Variants in AHNAK2 observed in about 807,000 individuals in gnomAD.
The protein encoded by AHNAK2 is protein AHNAK2.
Under a neutral mutation model 30.7 loss-of-function variants are expected in AHNAK2, and 18 were observed. The observed-to-expected ratio is 0.59, with a 90% CI of 0.41 to 0.87. The LOEUF (loss-of-function observed/expected upper bound fraction) is 0.87. Among genes scored for constraint, AHNAK2 ranks in the 40% least tolerant of loss-of-function variants. The pLI is 0.00. For missense variants in AHNAK2, 8,604 were observed against 7,373.0 expected, an observed-to-expected ratio of 1.17 and a Z score of -6.11; for synonymous variants, 3,590 against 3,073.8, an observed-to-expected ratio of 1.17 and a Z score of -5.56.
rs769813962 is a variant in AHNAK2 at position 104,947,810 on chromosome 14, C to A, written c.7641G>T (p.Val2547=). 1.9e-6 allele frequency: 3 copies of A among 1,612,606 alleles called. No homozygotes were observed. Among genetic ancestry groups the A allele is most frequent in the Non-Finnish European group, 1.7e-6 (2 of 1,179,594 alleles). ...CAGGGCCCTCTGGGAGTTTCACGTC[C>A]ACTTGGCCAGCCTGGACCTCCAGGT... is the stretch of plus-strand genomic sequence containing the variant. The part of the protein sequence containing the change: ...SADLEVQAGQ[V]DVKLPEGPVP... The change falls in exon 7 of 7, where the codon GTG becomes GTT. Residue 2547 remains valine, a synonymous_variant. Transcript: ENST00000333244.
rs1429748863 is a variant in AHNAK2, at chr14:104,944,225, G to T, written c.11226C>A (p.Asp3742Glu). 3 of 1,611,134 alleles carry T rather than the reference G, an allele frequency of 1.9e-6. No homozygotes were observed. Among genetic ancestry groups the T allele is most frequent in the East Asian group, 2.2e-5 (1 of 44,576 alleles). Residue 3742 changes from aspartate to glutamate, a missense_variant, in exon 7 of 7, where the codon GAC becomes GAA. Transcript: ENST00000333244. ...PKVDLKGPQV[D>E]IKGPKLDLKV... The stretch of plus-strand genomic sequence containing the variant: ...TTAGGTCCAGCTTGGGGCCCTTGAT[G>T]TCCACCTGGGGGCCCTTGAGGTCCA...
intron 1 of AHNAK2, among the ~76,000 whole-genome samples, chr14:104,973,359 G>A (rs979274193): frequency 1.3e-5 from 2 of 152,206 alleles, no homozygotes; most frequent in African/African-American, 2.4e-5. Context: ...AGGCCAAGGC[G>A]TGAAGCTCGG....
chr14:104,942,578 C>T lies in AHNAK2; in HGVS notation c.12873G>A (p.Met4291Ile). 1.2e-6 allele frequency: 2 copies of T among 1,613,146 alleles called. No individual in the cohort carries two copies. Among genetic ancestry groups the T allele is most frequent in the African/African-American group, 1.3e-5 (1 of 74,822 alleles). Reference protein sequence around the residue: ...EGDLSLADKDMTAKDSKFKMP... With the variant: ...EGDLSLADKDITAKDSKFKMP... ...TTTTGAACTTGCTGTCTTTGGCAGT[C>T]ATGTCCTTGTCGGCTAGGGACAGGT... The change falls in exon 7 of 7, where the codon ATG becomes ATA. Residue 4291 changes from methionine (M) to isoleucine (I), a missense_variant. By Grantham distance (10) the Met-to-Ile change is conservative (BLOSUM62 1). Coordinates refer to ENST00000333244, the MANE Select transcript of AHNAK2 (RefSeq NM_138420.4).
In AHNAK2 at chr14:104,946,742, A is replaced by T; in HGVS notation, c.8709T>A (p.Ser2903Arg). The T allele has an allele frequency of 6.2e-7, 1 of 1,611,980 alleles. No homozygotes were observed. Among genetic ancestry groups the T allele is most frequent in the South Asian group, 1.1e-5 (1 of 90,992 alleles). ...KGHLPKVQMP[S>R]FKMPKVDLKG... ...TGAGATCCACTTTGGGCATCTTGAA[A>T]CTGGGCATCTGCACCTTGGGCAGGT... is the stretch of plus-strand genomic sequence containing the variant. The change falls in exon 7 of 7, where the codon AGT becomes AGA. Residue 2903 changes from serine to arginine, a missense_variant. By Grantham distance (110) the Ser-to-Arg change is moderately radical. Transcript: ENST00000333244.
Position 104,950,044 on chromosome 14 carries a change from C to G in AHNAK2, c.5407G>C (p.Val1803Leu). The G allele has an allele frequency of 6.3e-7, 1 of 1,586,920 alleles. No individual in the cohort carries two copies. Among genetic ancestry groups the G allele is most frequent in the Non-Finnish European group, 8.6e-7 (1 of 1,163,092 alleles). ...AGGGACAGGTCACCCTCCAGCCGCA[C>G]ACTGTCCAGCTTGGCTCCTGGAGCC... Reference protein sequence around the residue: ...VEAPGAKLDSVRLEGDLSLAD... With the variant: ...VEAPGAKLDSLRLEGDLSLAD... Residue 1803 changes from valine to leucine, a missense_variant, in exon 7 of 7, where the codon GTG (valine) becomes CTG (leucine). Transcript: ENST00000333244.
chr14:104,953,987 A>G lies in AHNAK2; in HGVS notation c.1464T>C (p.Asp488=). 1 of 1,613,734 alleles carries G rather than the reference A, an allele frequency of 6.2e-7. No individual in the cohort carries two copies. The highest frequency in any genetic ancestry group is 8.5e-7 in the Non-Finnish European group (1 of 1,179,862). ...GPPEIRVRVH[D]LKTPKFAFST... ...AAAATGCAAATTTTGGTGTCTTTAA[A>G]TCGTGTACTCGCACCCTAATTTCTG... The change falls in exon 7 of 7, where the codon GAT becomes GAC. Residue 488 remains aspartate, a synonymous_variant. Coordinates refer to ENST00000333244, the MANE Select transcript of AHNAK2 (RefSeq NM_138420.4).
At position 104,950,176 on chromosome 14, in the gene AHNAK2, G is replaced by A; in HGVS notation, c.5275C>T (p.Pro1759Ser). ...LKMPKVALKG[P>S]QMDVKGPKLD... The stretch of plus-strand genomic sequence containing the variant: ...TTGGGGCCCTTGACGTCCATCTGGG[G>A]GCCCTTGAGGGCCACTTTGGGCATC... Residue 1759 changes from proline to serine, a missense_variant, in exon 7 of 7, where the codon CCC becomes TCC. By Grantham distance (74) the Pro-to-Ser change is moderately conservative. Coordinates refer to ENST00000333244, the MANE Select transcript of AHNAK2 (RefSeq NM_138420.4). 3 of 1,585,912 alleles carry A rather than the reference G, an allele frequency of 1.9e-6. No individual in the cohort carries two copies. The South Asian group carries it at 3.3e-5, about 18-fold the overall frequency.
Position 104,939,701 on chromosome 14 carries a change from G to C in AHNAK2, c.15750C>G (p.Leu5250=). Residue 5250 remains leucine, a synonymous_variant, in exon 7 of 7, where the codon CTC becomes CTG. Transcript: ENST00000333244. ...SNVEAAMSLQ[L]PEADAEVTAS... Reference sequence around the variant, plus strand: ...CTGTCACTTCTGCATCTGCCTCTGGGAGCTGTAGGGACATAGCTGCCTCCA... The same window carrying C: ...CTGTCACTTCTGCATCTGCCTCTGGCAGCTGTAGGGACATAGCTGCCTCCA... 2 of 1,613,888 alleles carry C rather than the reference G, an allele frequency of 1.2e-6. No individual in the cohort carries two copies. Among genetic ancestry groups the C allele is most frequent in the Non-Finnish European group, 1.7e-6 (2 of 1,179,888 alleles).
Position 104,951,922 on chromosome 14 carries a change from C to T in AHNAK2, c.3529G>A (p.Ala1177Thr), listed in dbSNP as rs1367008601. The T allele has an allele frequency of 6.2e-7, 1 of 1,610,020 alleles. No homozygotes were observed. The highest frequency in any genetic ancestry group is 1.7e-5 in the Admixed American group (1 of 59,630). The change falls in exon 7 of 7, where the codon GCC (alanine) becomes ACC (threonine). Residue 1177 changes from alanine to threonine, a missense_variant. By Grantham distance (58) the Ala-to-Thr change is moderately conservative. Transcript: ENST00000333244. ...GAGGCCTCGATGGACTTGCCTGGGG[C>T]TGACGCCCCGAACGATGGCATCTTG... The part of the protein sequence containing the change: ...KFKMPSFGAS[A>T]PGKSIEASVD...
intron 1 of AHNAK2, among the ~76,000 whole-genome samples, chr14:104,963,127 G>A (rs1044340479): frequency 6.6e-6 from 1 of 152,210 alleles, no homozygotes; most frequent in Non-Finnish European, 1.5e-5. Context: ...CTCAACGGAA[G>A]AGAAAAAGCT....
chr14:104,973,535 G>A (rs566576881), intron 1 of AHNAK2, among the ~76,000 whole-genome samples: 1 of 152,244 alleles, frequency 6.6e-6, no homozygotes, highest in East Asian at 1.9e-4. Context: ...GCCCACCCAG[G>A]CGCCATCACC....
Position 104,953,779 on chromosome 14 carries a change from C to G in AHNAK2, c.1672G>C (p.Glu558Gln), listed in dbSNP as rs369246535. ...GTGATCCTTGTCCTCTGTAGTCCTT[C>G]CTCTCCATCTCCTTCATCCCCCTGT... ...EAQGDEGDGE[E>Q]GLQRTRITEE... The change falls in exon 7 of 7, where the codon GAA becomes CAA. Residue 558 changes from glutamate (E) to glutamine (Q), a missense_variant. Glu to Gln is a conservative substitution (Grantham distance 29). Transcript: ENST00000333244. The G allele has an allele frequency of 5.5e-5, 88 of 1,613,820 alleles. No homozygotes were observed. Among genetic ancestry groups the G allele is most frequent in the Non-Finnish European group, 7.3e-5 (86 of 1,179,884 alleles).
At chr14:104,962,832 C>A (rs1225651180) in intron 1 of AHNAK2, among the ~76,000 whole-genome samples, 1 of 152,116 alleles carries the variant, frequency 6.6e-6, no homozygotes, top group Non-Finnish European at 1.5e-5. Context: ...AAACCTGGAC[C>A]CTTCCATCCC....
chr14:104,973,774 C>T (rs1187725987), intron 1 of AHNAK2, among the ~76,000 whole-genome samples: 1 of 152,246 alleles, frequency 6.6e-6, no homozygotes, highest in Non-Finnish European at 1.5e-5. Context: ...GAAGGAGTCC[C>T]TCCCAAGAGC....
rs772774564 is a variant in AHNAK2, at chr14:104,947,201, C to T, written c.8250G>A (p.Gln2750=). The T allele has an allele frequency of 2.5e-6, 4 of 1,612,292 alleles. No individual in the cohort carries two copies. In the East Asian group the frequency reaches 6.7e-5, roughly 27 times the overall value. ...KMPEVDLKGP[Q]IDVKGPNVDL... ...CCACGTTGGGGCCCTTAACATCTAT[C>T]TGGGGGCCCTTGAGGTCCACTTCAG... is the stretch of plus-strand genomic sequence containing the variant. Residue 2750 remains glutamine, a synonymous_variant, in exon 7 of 7, where the codon CAG becomes CAA. Transcript: ENST00000333244.
Position 104,939,104 on chromosome 14 carries a change from C to T in AHNAK2, c.16347G>A (p.Val5449=). 1 of 1,605,350 alleles carries T rather than the reference C, an allele frequency of 6.2e-7. No homozygotes were observed. The highest frequency in any genetic ancestry group is 1.1e-5 in the South Asian group (1 of 89,906). ...AGAGVPGEQP[V]DLNLPLEAPP... is the part of the protein sequence containing the mutation. ...GAGCTTCCAAAGGCAGGTTAAGGTCCACAGGCTGCTCCCCAGGGACCCCAG... is the reference window on the plus strand; with the variant it reads ...GAGCTTCCAAAGGCAGGTTAAGGTCTACAGGCTGCTCCCCAGGGACCCCAG... Residue 5449 remains valine, a synonymous_variant, in exon 7 of 7, where the codon GTG becomes GTA. Transcript: ENST00000333244.
chr14:104,951,431 C>CAA lies in AHNAK2; in HGVS notation c.4019_4020insTT (p.Ser1341CysfsTer23). The CAA allele has an allele frequency of 8.1e-7, 1 of 1,233,830 alleles. No individual in the cohort carries two copies. The highest frequency in any genetic ancestry group is 1.4e-5 in the South Asian group (1 of 69,520). 76.4% of individuals were successfully genotyped at this position (1,233,830 alleles called of 1,614,324 possible). A position where few individuals can be genotyped will look rare whatever the true frequency, so the allele number is the denominator to read the frequency against. ...CCTCAATGGACTTGCCTGGGGCAGA[C>CAA]ACCCCGAACGACGGCATCTTGAACT... On this transcript the variant is annotated frameshift_variant, in exon 7 of 7. Transcript: ENST00000333244. LOFTEE classifies it low-confidence loss of function (END_TRUNC).
chr14:104,948,521 G>A lies in AHNAK2; in HGVS notation c.6930C>T (p.Asp2310=), dbSNP rs368922417. 822 of 1,610,064 alleles carry A rather than the reference G, an allele frequency of 5.1e-4. 27 individuals carry two copies. In the African/African-American group the frequency reaches 6.6e-3, roughly 13 times the overall value. ...LEGDMSLADK[D]VTAKDSKFKM... ...TGAACTTGCTGTCTTTGGCAGTCACGTCCTTGTCGGCCAGGGACATGTCCC... is the reference window on the plus strand; with the variant it reads ...TGAACTTGCTGTCTTTGGCAGTCACATCCTTGTCGGCCAGGGACATGTCCC... The change falls in exon 7 of 7, where the codon GAC becomes GAT. Residue 2310 remains aspartate, a synonymous_variant. Transcript: ENST00000333244.
Position 104,952,573 on chromosome 14 carries a change from A to G in AHNAK2, c.2878T>C (p.Ser960Pro). 3 of 1,612,442 alleles carry G rather than the reference A, an allele frequency of 1.9e-6. No homozygotes were observed. The highest frequency in any genetic ancestry group is 2.5e-6 in the Non-Finnish European group (3 of 1,179,582). ...AEVTAPDGEV[S>P]LPSMEVDVQA... ...ACATCCACCTCCATGCTGGGCAGAG[A>G]CACCTCGCCATCGGGGGCTGTCACT... is the stretch of plus-strand genomic sequence containing the variant. The change falls in exon 7 of 7, where the codon TCT becomes CCT. Residue 960 changes from serine to proline, a missense_variant. Coordinates refer to ENST00000333244, the MANE Select transcript of AHNAK2 (RefSeq NM_138420.4).
Sources: gnomAD v4.1 joint callset for allele counts (sites outside exome capture counted in the v4.1 genomes callset) on GRCh38, gnomAD v4.1.1 for gene constraint, MANE v1.5 for transcripts, NCBI Gene and HGNC (gene_info 2026-07-23, HGNC 2026-07-21) for gene names.